Variants in HDAC2 observed in about 807,000 individuals in gnomAD.
The protein encoded by HDAC2 is histone deacetylase 2.
In HDAC2, 5 loss-of-function variants were observed where a neutral mutation model predicts 68.5. The ratio of observed to expected loss-of-function variants is 0.07; its 90% confidence interval spans 0.04 to 0.15. The LOEUF (loss-of-function observed/expected upper bound fraction) is 0.15. HDAC2 is among the 10% of genes least tolerant of loss of function. The pLI, the probability that HDAC2 is intolerant of heterozygous loss-of-function variation, is 1.00. For missense variants in HDAC2, 291 were observed against 600.8 expected (o/e 0.48, Z 5.39); for synonymous variants, 182 against 191.3 (o/e 0.95, Z 0.40).
intron 3 of HDAC2, among the ~76,000 whole-genome samples, chr6:113,957,998 T>C (rs764573810): frequency 1.3e-5 from 2 of 152,202 alleles, no homozygotes; most frequent in African/African-American, 2.4e-5. Flanking sequence ...GTTGTAAATA[T>C]GAGATGTCTA....
intron 8 of HDAC2, 188 bp downstream of exon 8, chr6:113,948,791 T>C: frequency 1.8e-6 from 1 of 552,686 alleles, no homozygotes; most frequent in Non-Finnish European, 3.1e-6. Flanking sequence ...TATAAATGTA[T>C]ATATAAATCT....
intron 8 of HDAC2, chr6:113,947,250 G>A (rs1776285568): frequency 6.6e-6 from 1 of 151,988 alleles, no homozygotes. Context: ...CCCAAAACTT[G>A]ACAAAAATGA....
At chr6:113,959,774 A>T (rs1776638010) in intron 2 of HDAC2, 132 bp downstream of exon 2, 2 of 587,692 alleles carry the variant, frequency 3.4e-6, no homozygotes, top group Admixed American at 6.2e-5. Context: ...AAACGAAAAA[A>T]GAAGTTTGTT....
chr6:113,947,228 C>T (rs1776285075), intron 8 of HDAC2: 1 of 152,110 alleles, frequency 6.6e-6, no homozygotes, highest in South Asian at 2.1e-4. Context: ...AAGATGTTTA[C>T]TTTTCCTTCA....
rs1334772929 is a variant in HDAC2 at position 113,971,147 on chromosome 6, G to A, written c.-239C>T. The A allele has an allele frequency of 2.0e-6, 3 of 1,538,318 alleles. No individual in the cohort carries two copies. The highest frequency in any genetic ancestry group is 2.6e-6 in the Non-Finnish European group (3 of 1,140,802). On this transcript the variant is annotated 5_prime_UTR_variant, in exon 1 of 14. Transcript: ENST00000519065. ...GCAGCGGCACCAACTCGCGAGGAGG[G>A]GGCCACCAAACCACCTCAGGAGGCC...
At chr6:113,945,279 G>A in intron 10 of HDAC2, 83 bp downstream of exon 10, 2 of 558,986 alleles carry the variant, frequency 3.6e-6, no homozygotes, top group Non-Finnish European at 6.4e-6. Flanking sequence ...AAGTTAAAAA[G>A]ACCCATCATA....
At position 113,934,906 on chromosome 6, in the gene HDAC2, T is replaced by C. The variant is rs1775969253; in HGVS notation, c.*6152A>G. On this transcript the variant is annotated 3_prime_UTR_variant, in exon 14 of 14. Transcript: ENST00000519065. The stretch of plus-strand genomic sequence containing the variant: ...CTAGTAATACGTTGGACTTGAATTA[T>C]ATTTTTTCCTGGAAAATGGTATCTA... 1 of 152,242 alleles carries C rather than the reference T, an allele frequency of 6.6e-6. No individual in the cohort carries two copies. Among genetic ancestry groups the C allele is most frequent in the South Asian group, 2.1e-4 (1 of 4,834 alleles). 9.4% of individuals were successfully genotyped at this position (152,242 alleles called of 1,614,324 possible).
intron 6 of HDAC2, among the ~76,000 whole-genome samples, chr6:113,950,716 A>C (rs1455153672): frequency 2.0e-5 from 3 of 149,372 alleles, no homozygotes; most frequent in Non-Finnish European, 3.0e-5. Context: ...GGGGGTGCCT[A>C]ATTCTTATGT....
chr6:113,947,690 G>A (rs1161624636), intron 8 of HDAC2: 1 of 152,110 alleles, frequency 6.6e-6, no homozygotes, highest in Non-Finnish European at 1.5e-5. Flanking sequence ...AACACATTAA[G>A]TTACAATATG....
At chr6:113,958,867 C>T (rs1231255238) in intron 2 of HDAC2, 101 bp from the exon 3 acceptor site, 4 of 747,896 alleles carry the variant, frequency 5.3e-6, no homozygotes, top group Non-Finnish European at 9.3e-6. Context: ...CTCAAAAGAA[C>T]CAAGTCTACC....
At chr6:113,965,015 A>T (rs1776778553) in intron 1 of HDAC2, among the ~76,000 whole-genome samples, 1 of 152,220 alleles carries the variant, frequency 6.6e-6, no homozygotes, top group Non-Finnish European at 1.5e-5. Context: ...TTTTATATGG[A>T]CCAATATGTG....
chr6:113,970,671 C>T, intron 1 of HDAC2, 186 bp downstream of exon 1: 1 of 1,353,112 alleles, frequency 7.4e-7, no homozygotes, highest in Non-Finnish European at 9.4e-7. Context: ...CCGCAGGAAC[C>T]GCGGGGGCTG....
rs1319486943 is a variant in HDAC2 at position 113,946,168 on chromosome 6, G to A, written c.842-20C>T. The A allele has an allele frequency of 6.3e-7, 1 of 1,597,588 alleles. No homozygotes were observed. Among genetic ancestry groups the A allele is most frequent in the Non-Finnish European group, 8.5e-7 (1 of 1,170,032 alleles). ...CATGACCTAAGACAAGAAGATTTGG[G>A]TAACAACAAAATCTGCATACTGCAA... On this transcript the variant is annotated intron_variant, in intron 8 of 13. Transcript: ENST00000519065.
At position 113,935,334 on chromosome 6, in the gene HDAC2, T is replaced by C. The variant is rs1170659494; in HGVS notation, c.*5724A>G. 6.6e-6 allele frequency: 1 copy of C among 152,260 alleles called. No homozygotes were observed. The highest frequency in any genetic ancestry group is 1.5e-5 in the Non-Finnish European group (1 of 68,044). The allele number at this position is 152,260 out of a possible 1,614,324, so 9.4% of individuals were successfully genotyped here. On this transcript the variant is annotated 3_prime_UTR_variant, in exon 14 of 14. Transcript: ENST00000519065. ...AGTGTAATGACTTTTTGTTGGTATT[T>C]GTTAAGTACAGCCAGTTTTGATAAT...
chr6:113,964,429 G>A (rs879365856), intron 1 of HDAC2, among the ~76,000 whole-genome samples: 1 of 151,852 alleles, frequency 6.6e-6, no homozygotes, highest in Non-Finnish European at 1.5e-5. Context: ...CATTTTCTTG[G>A]GATTTTACTT....
intron 2 of HDAC2, chr6:113,959,561 T>A (rs550537913): frequency 6.8e-6 from 1 of 146,752 alleles, no homozygotes; most frequent in African/African-American, 2.6e-5. Context: ...CCAGGTCAAC[T>A]CTTTTCAGCA....
chr6:113,960,860 A>T (rs991773413), intron 1 of HDAC2, among the ~76,000 whole-genome samples: 12 of 152,106 alleles, frequency 7.9e-5, no homozygotes, highest in Non-Finnish European at 1.6e-4. Flanking sequence ...AATATTTTTA[A>T]AAAATAGATG....
intron 2 of HDAC2, among the ~76,000 whole-genome samples, chr6:113,959,360 CA>C (rs886406293): frequency 2.0e-5 from 3 of 151,940 alleles, no homozygotes; most frequent in Admixed American, 2.0e-4. Context: ...CTTTTCTCCC[CA>C]AATAGCTAAT....
chr6:113,959,823 G>C (rs1040346408), intron 2 of HDAC2, 83 bp downstream of exon 2: 1 of 678,836 alleles, frequency 1.5e-6, no homozygotes, highest in Admixed American at 2.5e-5. Flanking sequence ...GCCCTCAAAA[G>C]GGGAATAATA....
Sources: gnomAD v4.1 joint callset for allele counts (sites outside exome capture counted in the v4.1 genomes callset) on GRCh38, gnomAD v4.1.1 for gene constraint, MANE v1.5 for transcripts, NCBI Gene and HGNC (gene_info 2026-07-23, HGNC 2026-07-21) for gene names.